The following DNAAF8 variants were observed in gnomAD, a reference collection of about 807,000 sequenced individuals.
The protein encoded by DNAAF8 is dynein axonemal assembly factor 8.
A neutral mutation model predicts 54.6 loss-of-function variants in DNAAF8; 61 were observed. The observed-to-expected ratio is 1.12, with a 90% confidence interval of 0.91 to 1.38. The LOEUF (loss-of-function observed/expected upper bound fraction) is 1.38. Among genes scored for constraint, DNAAF8 ranks in the 40% most tolerant of loss-of-function variants. The probability of loss-of-function intolerance (pLI) is 0.00; values close to 1 mark genes in which losing one functional copy is unlikely to be tolerated. For missense variants in DNAAF8, 837 were observed against 665.0 expected (o/e 1.26, Z -2.85); for synonymous variants, 320 against 270.1 (o/e 1.18, Z -1.81).
rs548549926 is a variant in DNAAF8 at position 4,746,729 on chromosome 16, A to G, written c.1182-198A>G. ...ACCTCCTCGGGCTGGGCTCTATGCA[A>G]TAGAGCCCAACACGTCTAGGCTGGA... On this transcript the variant is annotated intron_variant, in intron 7 of 9. Transcript: ENST00000299320. The G allele has an allele frequency of 1.2e-3, 898 of 768,768 alleles. 1 individual carries two copies. The highest frequency in any genetic ancestry group is 1.9e-3 in the Middle Eastern group (5 of 2,688). 47.6% of individuals were successfully genotyped at this position (768,768 alleles called of 1,614,324 possible). A position where few individuals can be genotyped will look rare whatever the true frequency, so the allele number is the denominator to read the frequency against.
chr16:4,740,542 G>A lies in DNAAF8; in HGVS notation c.666G>A (p.Pro222=), dbSNP rs756573785. 14 of 1,613,968 alleles carry A rather than the reference G, an allele frequency of 8.7e-6. No homozygotes were observed. The highest frequency in any genetic ancestry group is 2.2e-5 in the East Asian group (1 of 44,886). ...AAGTCACCCGGGATGCCTGCGGCCC[G>A]ACCAGCAGTGACAAAGGTGGGGTGA... ...LQKVTRDACG[P]TSSDKGGVKE... The change falls in exon 4 of 10, where the codon CCG becomes CCA. Residue 222 remains proline (P), a synonymous_variant. Transcript: ENST00000299320.
chr16:4,736,402 G>T, intron 1 of DNAAF8, 62 bp from the exon 2 acceptor site: 2 of 1,230,584 alleles, frequency 1.6e-6, no homozygotes, highest in Non-Finnish European at 2.1e-6. Context: ...TGGTAGAGCA[G>T]CCCCTGCTCT....
At chr16:4,746,870 A>G (rs2341988) in intron 7 of DNAAF8, 57 bp from the exon 8 acceptor site, 1,434,316 of 1,443,070 alleles carry the variant, frequency 0.99, 713,196 homozygotes, top group East Asian at 1. Context: ...AGCCCCAACA[A>G]GAGTTGGAAC....
In DNAAF8 at chr16:4,746,419, A is replaced by G; in HGVS notation, c.1088A>G (p.Gln363Arg). 1 of 1,613,026 alleles carries G rather than the reference A, an allele frequency of 6.2e-7. No individual in the cohort carries two copies. Among genetic ancestry groups the G allele is most frequent in the African/African-American group, 1.3e-5 (1 of 75,024 alleles). ...KQGSQAGPGP[Q>R]LAQGMRLNAE... is the part of the protein sequence containing the mutation. ...GGCTCCCAGGCTGGGCCAGGCCCGC[A>G]GCTGGCCCAGGGCATGAGGCTTAAC... is the stretch of plus-strand genomic sequence containing the variant. Residue 363 changes from glutamine (Q) to arginine (R), a missense_variant, in exon 7 of 10, where the codon CAG (glutamine) becomes CGG (arginine). By Grantham distance (43) the Gln-to-Arg change is conservative. Coordinates refer to ENST00000299320, the MANE Select transcript of DNAAF8 (RefSeq NM_139170.3).
At chr16:4,742,282 C>T (rs1046016979) in intron 4 of DNAAF8, among the ~76,000 whole-genome samples, 6 of 152,070 alleles carry the variant, frequency 3.9e-5, no homozygotes, top group Non-Finnish European at 7.3e-5. Context: ...TGGCTGGGCT[C>T]GGTGGCTTAT....
At chr16:4,745,796 C>T (rs1367929089) in intron 6 of DNAAF8, among the ~76,000 whole-genome samples, 1 of 151,710 alleles carries the variant, frequency 6.6e-6, no homozygotes, top group Non-Finnish European at 1.5e-5. Flanking sequence ...ACTAAAAACA[C>T]AAAAAAATTT....
intron 8 of DNAAF8, 77 bp from the exon 9 acceptor site, chr16:4,747,266 T>C: frequency 6.8e-7 from 1 of 1,474,164 alleles, no homozygotes. Context: ...TCATCTGCTT[T>C]TCTCCTGTTT....
intron 3 of DNAAF8, among the ~76,000 whole-genome samples, chr16:4,739,165 C>T (rs1193408746): frequency 6.6e-6 from 1 of 151,302 alleles, no homozygotes; most frequent in Non-Finnish European, 1.5e-5. Context: ...CAGCTAAGAA[C>T]TCTGGTGGGT....
rs574712819 is a variant in DNAAF8, at chr16:4,747,639, T to C, written c.*9+5T>C. 4.4e-6 allele frequency: 7 copies of C among 1,594,584 alleles called. No homozygotes were observed. The highest frequency in any genetic ancestry group is 6.0e-6 in the Non-Finnish European group (7 of 1,168,032). On this transcript the variant is annotated splice_donor_5th_base_variant and intron_variant, in intron 9 of 9. Coordinates refer to ENST00000299320, the MANE Select transcript of DNAAF8 (RefSeq NM_139170.3). ...GAGCAACTATAGCTGCCTCAGGTAG[T>C]GGGATCCCAGGAGTGGGCAGGGGCG...
At chr16:4,742,936 C>G in intron 4 of DNAAF8, 107 bp from the exon 5 acceptor site, 3 of 909,878 alleles carry the variant, frequency 3.3e-6, no homozygotes, top group Non-Finnish European at 5.3e-6. Flanking sequence ...GATTTCTACC[C>G]CCAACATCCT....
intron 9 of DNAAF8, 127 bp from the exon 10 acceptor site, chr16:4,748,598 C>T (rs2082048521): frequency 6.6e-6 from 1 of 152,306 alleles, no homozygotes; most frequent in African/African-American, 2.4e-5. Context: ...CAGGACAAGC[C>T]TGGTCTTCCT....
At chr16:4,746,660 G>C in intron 7 of DNAAF8, 148 bp downstream of exon 7, 1 of 1,121,776 alleles carries the variant, frequency 8.9e-7, no homozygotes, top group Admixed American at 2.9e-5. Context: ...CTGGCCTACA[G>C]TCCCCCTGGG....
intron 2 of DNAAF8, among the ~76,000 whole-genome samples, chr16:4,737,011 C>G (rs2081908098): frequency 6.6e-6 from 1 of 152,060 alleles, no homozygotes; most frequent in Admixed American, 6.6e-5. Context: ...GCCAGAACAC[C>G]CACTGAGAAT....
intron 7 of DNAAF8, chr16:4,746,715 C>G (rs1361083070): frequency 1.2e-6 from 1 of 818,398 alleles, no homozygotes; most frequent in Non-Finnish European, 1.9e-6. Context: ...CCTCCTCGGG[C>G]TGGGCTCTAT....
intron 2 of DNAAF8, 148 bp from the exon 3 acceptor site, chr16:4,737,652 A>G: frequency 1.0e-6 from 1 of 996,002 alleles, no homozygotes; most frequent in Non-Finnish European, 1.5e-6. Context: ...GATCTCCCCC[A>G]GGCTCCTGAG....
Position 4,747,033 on chromosome 16 carries a change from C to T in DNAAF8, c.1280+8C>T. 2 of 1,524,058 alleles carry T rather than the reference C, an allele frequency of 1.3e-6. No homozygotes were observed. Among genetic ancestry groups the T allele is most frequent in the East Asian group, 2.5e-5 (1 of 40,510 alleles). 94.4% of individuals were successfully genotyped at this position (1,524,058 alleles called of 1,614,324 possible). A position where few individuals can be genotyped will look rare whatever the true frequency, so the allele number is the denominator to read the frequency against. Reference sequence around the variant, plus strand: ...TTCCTCCCTGGGGCTACGGTAACCACCCAGGGGCCTCTCGCCACCTGCAGA... The same window carrying T: ...TTCCTCCCTGGGGCTACGGTAACCATCCAGGGGCCTCTCGCCACCTGCAGA... On this transcript the variant is annotated splice_region_variant and intron_variant, in intron 8 of 9. Coordinates refer to ENST00000299320, the MANE Select transcript of DNAAF8 (RefSeq NM_139170.3).
At chr16:4,743,215 G>T (rs908947376) in intron 5 of DNAAF8, 55 bp downstream of exon 5, 34 of 1,333,116 alleles carry the variant, frequency 2.6e-5, no homozygotes, top group Non-Finnish European at 2.9e-5. Context: ...CACCTTCCTG[G>T]GCCCCTCAGA....
At chr16:4,746,852 G>A (rs927324577) in intron 7 of DNAAF8, 75 bp from the exon 8 acceptor site, 89 of 1,346,926 alleles carry the variant, frequency 6.6e-5, no homozygotes, top group Non-Finnish European at 8.3e-5. Flanking sequence ...CAAAGCCCGA[G>A]TGCTTCAAGC....
chr16:4,741,787 A>C (rs1005276219), intron 4 of DNAAF8, among the ~76,000 whole-genome samples: 1 of 152,310 alleles, frequency 6.6e-6, no homozygotes, highest in Admixed American at 6.5e-5. Context: ...CATCTCAAAA[A>C]AAAAGAAATT....
Sources: allele counts gnomAD v4.1 joint callset (sites outside exome capture counted in the v4.1 genomes callset), GRCh38; gene constraint gnomAD v4.1.1; transcripts MANE v1.5; gene names NCBI Gene and HGNC (gene_info 2026-07-23, HGNC 2026-07-21).